Variants in ATL2 observed in about 807,000 individuals in gnomAD.
ATL2 encodes atlastin GTPase 2, also known as atlastin-2.
ATL2 carries 31 observed loss-of-function variants against 73.9 expected under a neutral mutation model. The ratio of observed to expected loss-of-function variants is 0.42; its 90% CI spans 0.32 to 0.57. ATL2 has a LOEUF of 0.57. Ranked by LOEUF, ATL2 falls within the 20% of genes least tolerant of loss-of-function variation. The pLI is 0.14. For missense variants in ATL2, 738 were observed against 702.6 expected (o/e 1.05, Z -0.57); for synonymous variants, 291 against 237.5 (o/e 1.23, Z -2.07).
At chr2:38,324,119 T>C (rs895695396) in intron 2 of ATL2, among the ~76,000 whole-genome samples, 12 of 151,946 alleles carry the variant, frequency 7.9e-5, no homozygotes. Flanking sequence ...CTACTAAAAA[T>C]ACAAAAAAAT....
intron 2 of ATL2, among the ~76,000 whole-genome samples, chr2:38,323,349 GTTTTTTTT>G (rs1229668962): frequency 0.012 from 926 of 75,276 alleles, 12 homozygotes; most frequent in African/African-American, 0.047. Flanking sequence ...ATCACCAGAA[GTTTTTTTT>G]TTTTTTTTTT....
chr2:38,351,133 GTC>G (rs1198811708), intron 1 of ATL2, among the ~76,000 whole-genome samples: 1 of 148,490 alleles, frequency 6.7e-6, no homozygotes, highest in African/African-American at 2.6e-5. Context: ...CCTTGATTCA[GTC>G]TATTCAGTCT....
chr2:38,301,367 A>G (rs1252659099), intron 9 of ATL2, among the ~76,000 whole-genome samples: 1 of 152,240 alleles, frequency 6.6e-6, no homozygotes, highest in Non-Finnish European at 1.5e-5. Flanking sequence ...CCTCCAAGGA[A>G]TATCAAATTG....
intron 9 of ATL2, among the ~76,000 whole-genome samples, chr2:38,302,782 A>G (rs1387488688): frequency 1.3e-5 from 2 of 152,258 alleles, no homozygotes; most frequent in African/African-American, 4.8e-5. Flanking sequence ...TAATGCAGAT[A>G]CAGCTGCAGT....
chr2:38,337,353 G>C (rs1032240316), intron 2 of ATL2, among the ~76,000 whole-genome samples: 3 of 151,026 alleles, frequency 2.0e-5, no homozygotes, highest in South Asian at 2.1e-4. Context: ...AGGTGTCGTG[G>C]TGCGCACCTG....
At chr2:38,354,302 G>A (rs1670536240) in intron 1 of ATL2, 1 of 262,274 alleles carries the variant, frequency 3.8e-6, no homozygotes, top group Non-Finnish European at 7.7e-6. Context: ...CCTTCCTATT[G>A]ATCTGAATCC....
At chr2:38,319,787 T>C (rs940000119) in intron 2 of ATL2, among the ~76,000 whole-genome samples, 2 of 152,166 alleles carry the variant, frequency 1.3e-5, no homozygotes, top group African/African-American at 4.8e-5. Context: ...TAAGTTTTCA[T>C]ACTGCCTTCA....
At chr2:38,344,605 G>A (rs1157701618) in intron 1 of ATL2, among the ~76,000 whole-genome samples, 1 of 152,020 alleles carries the variant, frequency 6.6e-6, no homozygotes, top group Non-Finnish European at 1.5e-5. Context: ...GTGAGTCTCA[G>A]TCTCAAAAAA....
intron 2 of ATL2, among the ~76,000 whole-genome samples, chr2:38,323,015 A>G (rs1324340577): frequency 6.6e-6 from 1 of 152,238 alleles, no homozygotes; most frequent in African/African-American, 2.4e-5. Flanking sequence ...TTCATTCATT[A>G]AATATTTGTG....
At chr2:38,318,288 C>G (rs6544155) in intron 4 of ATL2, 16,361 of 295,866 alleles carry the variant, frequency 0.055, 2,512 homozygotes, top group African/African-American at 0.32. Flanking sequence ...GACCAGCCTG[C>G]CCAACGTGGT....
chr2:38,304,897 C>T (rs186103176), intron 9 of ATL2, among the ~76,000 whole-genome samples: 12 of 152,096 alleles, frequency 7.9e-5, no homozygotes, highest in Admixed American at 7.2e-4. Flanking sequence ...AAAACAGTAA[C>T]AAAATGACAG....
intron 1 of ATL2, among the ~76,000 whole-genome samples, chr2:38,369,851 T>C (rs1671563947): frequency 6.6e-6 from 1 of 151,520 alleles, no homozygotes; most frequent in Non-Finnish European, 1.5e-5. Flanking sequence ...CTCTCGGATT[T>C]GTCATTAAAA....
intron 1 of ATL2, among the ~76,000 whole-genome samples, chr2:38,343,819 C>T (rs180850796): frequency 1.8e-4 from 28 of 152,234 alleles, no homozygotes; most frequent in African/African-American, 4.6e-4. Context: ...AGGCTCTCTC[C>T]TGTGCTGTTC....
intron 1 of ATL2, 74 bp downstream of exon 1, chr2:38,377,069 C>T (rs1016959572): frequency 1.4e-6 from 2 of 1,426,714 alleles, no homozygotes; most frequent in Admixed American, 2.1e-5. Flanking sequence ...CGCCTGCGGC[C>T]GGTGCCCGCG....
At chr2:38,314,319 T>C (rs190339539) in intron 6 of ATL2, among the ~76,000 whole-genome samples, 1 of 152,350 alleles carries the variant, frequency 6.6e-6, no homozygotes, top group African/African-American at 2.4e-5. Flanking sequence ...ATGACTGTCA[T>C]ATATTTCCTA....
chr2:38,298,402 A>G lies in ATL2; in HGVS notation c.1374T>C (p.Asn458=). ...LEAEIEETYA[N]FIKHNDGKNI... ...TTTTGCCATCATTGTGCTTTATAAA[A>G]TTTGCATAGGTTTCTTCAATTTCAG... is the stretch of plus-strand genomic sequence containing the variant. Residue 458 remains asparagine, a synonymous_variant, in exon 12 of 13, where the codon AAT becomes AAC. Transcript: ENST00000378954. The G allele has an allele frequency of 1.9e-6, 3 of 1,614,190 alleles. No individual in the cohort carries two copies. Among genetic ancestry groups the G allele is most frequent in the South Asian group, 1.1e-5 (1 of 91,084 alleles).
intron 1 of ATL2, among the ~76,000 whole-genome samples, chr2:38,364,564 A>G (rs996903808): frequency 6.6e-6 from 1 of 152,234 alleles, no homozygotes; most frequent in Non-Finnish European, 1.5e-5. Flanking sequence ...GTTATATGAA[A>G]CACTCACTTT....
chr2:38,370,133 C>A lies in ATL2; in HGVS notation c.118+7010G>T, dbSNP rs1258071498. On this transcript the variant is annotated intron_variant, in intron 1 of 12. Transcript: ENST00000378954. ...TCCCGCCACTGCACTCCAACCTGGG[C>A]GACAGCGAGACTCCGTCAAAAAAAA... 2.4e-5 allele frequency among the ~76,000 whole-genome samples: 3 copies of A among 123,214 alleles called. No homozygotes were observed. In the South Asian group the frequency reaches 8.0e-4, roughly 33 times the overall value. 80.8% of individuals were successfully genotyped at this position (123,214 alleles called of 152,430 possible). A position where few individuals can be genotyped will look rare whatever the true frequency, so the allele number is the denominator to read the frequency against.
At chr2:38,318,791 T>C (rs1668166723) in intron 3 of ATL2, 94 bp downstream of exon 3, 3 of 1,430,600 alleles carry the variant, frequency 2.1e-6, no homozygotes, top group Non-Finnish European at 2.9e-6. Context: ...GTTAAAGTTA[T>C]CAAACATTAA....
Sources: gnomAD v4.1 joint callset for allele counts (sites outside exome capture counted in the v4.1 genomes callset) on GRCh38, gnomAD v4.1.1 for gene constraint, MANE v1.5 for transcripts, NCBI Gene and HGNC (gene_info 2026-07-23, HGNC 2026-07-21) for gene names.